PDZD2: variants seen among roughly 807,000 people sequenced by gnomAD.
PDZD2 encodes PDZ domain-containing protein 2.
PDZD2 carries 90 observed loss-of-function variants against 220.7 expected under a neutral mutation model. That is an observed-to-expected ratio of 0.41 (90% confidence interval 0.34 to 0.49). PDZD2 has a LOEUF of 0.49. PDZD2 is among the 20% of genes least tolerant of loss of function. The pLI is 0.28. For synonymous variants in PDZD2, 1,375 were observed against 1,450.5 expected, an observed-to-expected ratio of 0.95 and a Z score of 1.18; for missense variants, 3,174 against 3,608.5, an observed-to-expected ratio of 0.88 and a Z score of 3.08.
chr5:32,010,480 G>A lies in PDZD2; in HGVS notation c.1405G>A (p.Ala469Thr), dbSNP rs774891641. 5.0e-6 allele frequency: 8 copies of A among 1,607,322 alleles called. No homozygotes were observed. Among genetic ancestry groups the A allele is most frequent in the African/African-American group, 1.3e-5 (1 of 74,736 alleles). ...AGGAACCAGCTCTTCTGTCCAGAGAGCAGTAAGTGGCTCTGTGCTCCTGGC... is the reference window on the plus strand; with the variant it reads ...AGGAACCAGCTCTTCTGTCCAGAGAACAGTAAGTGGCTCTGTGCTCCTGGC... ...DEGTSSSVQR[A>T]MPGTDEPQDV... is the part of the protein sequence containing the mutation. Residue 469 changes from alanine to threonine, a missense_variant and splice_region_variant, in exon 6 of 25, where the codon GCA (alanine) becomes ACA (threonine). Ala to Thr is a moderately conservative substitution (Grantham distance 58). Around this residue, in one of 4 missense-constraint regions of PDZD2, gnomAD observed 632 missense variants for 708.1 expected, o/e 0.89. Transcript: ENST00000438447.
intron 1 of PDZD2, among the ~76,000 whole-genome samples, chr5:31,669,424 T>A (rs77210850): frequency 1.8e-4 from 22 of 121,720 alleles, no homozygotes; most frequent in Non-Finnish European, 2.6e-4. Context: ...AAAAAAAAAA[T>A]AAGATCTATC....
intron 1 of PDZD2, among the ~76,000 whole-genome samples, chr5:31,670,634 G>A (rs1310285415): frequency 6.6e-6 from 1 of 151,884 alleles, no homozygotes; most frequent in Non-Finnish European, 1.5e-5. Flanking sequence ...TGTTGGTCAT[G>A]CTGGTGTCGA....
At chr5:31,881,949 C>T (rs746346827) in intron 2 of PDZD2, among the ~76,000 whole-genome samples, 14 of 152,198 alleles carry the variant, frequency 9.2e-5, no homozygotes, top group Non-Finnish European at 1.8e-4. Context: ...GAACTCCTGA[C>T]CTCAAGTGAT....
chr5:31,689,353 A>ATTTTTTTTTTTTTCTTT (rs1747020357), intron 1 of PDZD2, among the ~76,000 whole-genome samples: 3 of 35,138 alleles, frequency 8.5e-5, no homozygotes, highest in Non-Finnish European at 1.3e-4. Context: ...ATATATATAT[A>ATTTTTTTTTTTTTCTTT]TTTTTTTTTT....
intron 2 of PDZD2, among the ~76,000 whole-genome samples, chr5:31,907,190 A>C (rs924979819): frequency 1.2e-4 from 18 of 152,206 alleles, no homozygotes; most frequent in African/African-American, 4.1e-4. Flanking sequence ...CTGAAATGAT[A>C]GACATTTATT....
chr5:31,941,971 T>C (rs1422710765), intron 2 of PDZD2, among the ~76,000 whole-genome samples: 1 of 152,232 alleles, frequency 6.6e-6, no homozygotes, highest in African/African-American at 2.4e-5. Flanking sequence ...GGGTTCTTCA[T>C]CTACTCCAGA....
chr5:31,738,196 C>A (rs908044734), intron 1 of PDZD2: 7 of 152,194 alleles, frequency 4.6e-5, no homozygotes, highest in African/African-American at 1.4e-4. Flanking sequence ...TCAGCTTTAA[C>A]CTCAGACTTT....
At chr5:31,761,586 C>T (rs1580704623) in intron 1 of PDZD2, among the ~76,000 whole-genome samples, 1 of 151,888 alleles carries the variant, frequency 6.6e-6, no homozygotes, top group South Asian at 2.1e-4. Context: ...TTAGGCCAGG[C>T]ACAGTGGCTC....
chr5:31,827,156 A>C (rs1756280662), intron 2 of PDZD2, among the ~76,000 whole-genome samples: 1 of 152,206 alleles, frequency 6.6e-6, no homozygotes, highest in East Asian at 1.9e-4. Flanking sequence ...ACCGGGAATC[A>C]GAAAATCTGG....
intron 8 of PDZD2, among the ~76,000 whole-genome samples, chr5:32,051,192 C>G (rs116366820): frequency 0.015 from 2,323 of 152,118 alleles, 28 homozygotes; most frequent in Non-Finnish European, 0.023. Flanking sequence ...CTTAGGAGTT[C>G]ACACACAAAC....
intron 1 of PDZD2, among the ~76,000 whole-genome samples, chr5:31,795,221 GAGC>G (rs1753957119): frequency 6.6e-6 from 1 of 152,190 alleles, no homozygotes; most frequent in Non-Finnish European, 1.5e-5. Flanking sequence ...CTAACCATTA[GAGC>G]ATCTAAGACT....
At chr5:31,928,734 A>C (rs1333675692) in intron 2 of PDZD2, among the ~76,000 whole-genome samples, 1 of 152,106 alleles carries the variant, frequency 6.6e-6, no homozygotes, top group Non-Finnish European at 1.5e-5. Flanking sequence ...GACTTCCCAA[A>C]GTGTTGGGAT....
chr5:32,095,624 G>T (rs1743595931), intron 21 of PDZD2, among the ~76,000 whole-genome samples: 1 of 150,600 alleles, frequency 6.6e-6, no homozygotes, highest in Non-Finnish European at 1.5e-5. Flanking sequence ...TCAGCTTCTA[G>T]CATATCTGTG....
rs1375688425 is a variant in PDZD2 at position 31,689,330 on chromosome 5, C to CATATGCATATATATATAT, written c.-361+49897_-361+49898insGCATATATATATATATAT. Among the ~76,000 whole-genome samples, 38 of 58,596 alleles carry CATATGCATATATATATAT rather than the reference C, an allele frequency of 6.5e-4. 3 individuals carry two copies. Among genetic ancestry groups the CATATGCATATATATATAT allele is most frequent in the East Asian group, 1.8e-3 (2 of 1,118 alleles). The allele number at this position is 58,596 out of a possible 152,430, so 38.4% of individuals were successfully genotyped here. A position where few individuals can be genotyped will look rare whatever the true frequency, so the allele number is the denominator to read the frequency against. Reference sequence around the variant, plus strand: ...ATACATACATATACACATATATATACATATACATATATATATATATATATT... The same window carrying CATATGCATATATATATAT: ...ATACATACATATACACATATATATACATATGCATATATATATATATATACATATATATATATATATATT... On this transcript the variant is annotated intron_variant, in intron 1 of 24. Transcript: ENST00000438447.
At chr5:31,863,646 C>G (rs115682532) in intron 2 of PDZD2, among the ~76,000 whole-genome samples, 2 of 152,122 alleles carry the variant, frequency 1.3e-5, no homozygotes, top group Admixed American at 1.3e-4. Flanking sequence ...TAGGGGATGA[C>G]GGAAAACTGT....
Position 31,873,739 on chromosome 5 carries a change from C to CT in PDZD2, c.476+74025dup, listed in dbSNP as rs112360135. On this transcript the variant is annotated intron_variant, in intron 2 of 24. Coordinates refer to ENST00000438447, the MANE Select transcript of PDZD2 (RefSeq NM_178140.4). ...AAGAGCTGACATTGCAGTCTTGAGT[C>CT]TTTTTTTTTTGACAGAGTTCCGCTC... is the stretch of plus-strand genomic sequence containing the variant. Among the ~76,000 whole-genome samples the CT allele has an allele frequency of 6.0e-3, 866 of 145,142 alleles. 10 individuals carry two copies. The highest frequency in any genetic ancestry group is 0.02 in the African/African-American group (797 of 39,616).
chr5:31,776,878 T>C (rs1752689288), intron 1 of PDZD2, among the ~76,000 whole-genome samples: 1 of 151,948 alleles, frequency 6.6e-6, no homozygotes, highest in Non-Finnish European at 1.5e-5. Flanking sequence ...AGGCTGGTCT[T>C]GAATCCCTGG....
chr5:32,101,312 G>A, intron 24 of PDZD2, 73 bp downstream of exon 24: 1 of 1,370,530 alleles, frequency 7.3e-7, no homozygotes, highest in Non-Finnish European at 1.0e-6. Flanking sequence ...TGAAAAAAAT[G>A]CCTTCCATTT....
chr5:32,071,825 G>C (rs1740778658), intron 16 of PDZD2, among the ~76,000 whole-genome samples: 1 of 152,172 alleles, frequency 6.6e-6, no homozygotes, highest in Admixed American at 6.5e-5. Flanking sequence ...GGCTAGACTG[G>C]TTGGCTTGAA....
Sources: allele counts gnomAD v4.1 joint callset (sites outside exome capture counted in the v4.1 genomes callset), GRCh38; gene constraint gnomAD v4.1.1; regional missense constraint gnomAD v4.1.1; transcripts MANE v1.5; gene names NCBI Gene and HGNC (gene_info 2026-07-23, HGNC 2026-07-21).